HBS1L: variants seen among roughly 807,000 people sequenced by gnomAD.
HBS1L encodes HBS1-like protein.
HBS1L carries 55 observed loss-of-function variants against 88.9 expected under a neutral mutation model. The ratio of observed to expected loss-of-function variants is 0.62; its 90% confidence interval spans 0.50 to 0.77. HBS1L has a LOEUF of 0.77. Ranked by LOEUF, HBS1L falls within the 30% of genes least tolerant of loss-of-function variation. The probability of loss-of-function intolerance (pLI) is 0.00; values close to 1 mark genes in which losing one functional copy is unlikely to be tolerated. For missense variants in HBS1L, 741 were observed against 829.3 expected (o/e 0.89, Z 1.31); for synonymous variants, 267 against 288.5 (o/e 0.93, Z 0.76).
intron 4 of HBS1L, among the ~76,000 whole-genome samples, chr6:135,025,266 A>G (rs747390205): frequency 3.9e-5 from 6 of 152,226 alleles, no homozygotes; most frequent in Admixed American, 2.0e-4. Context: ...ACCAAACAGA[A>G]ATGTGGATCA....
intron 1 of HBS1L, among the ~76,000 whole-genome samples, chr6:135,051,926 A>T (rs1583167023): frequency 6.6e-6 from 1 of 152,230 alleles, no homozygotes; most frequent in African/African-American, 2.4e-5. Context: ...CAAGGAATAC[A>T]CACAAGATAA....
At position 135,025,682 on chromosome 6, in the gene HBS1L, G is replaced by A. The variant is rs114575524; in HGVS notation, c.430+13891C>T. On this transcript the variant is annotated intron_variant, in intron 4 of 17. Transcript: ENST00000367837. The stretch of plus-strand genomic sequence containing the variant: ...TATTCAAAGAGGGCATGACATAGAA[G>A]CTATAGGTAGATACTCTAAGAATAA... Among the ~76,000 whole-genome samples, 484 of 152,216 alleles carry A rather than the reference G, an allele frequency of 3.2e-3. 2 individuals are homozygous for A. The highest frequency in any genetic ancestry group is 0.011 in the African/African-American group (469 of 41,532).
intron 4 of HBS1L, among the ~76,000 whole-genome samples, chr6:135,034,083 C>A (rs911655915): frequency 2.6e-5 from 4 of 151,696 alleles, no homozygotes; most frequent in Admixed American, 2.0e-4. Context: ...TTATGGTGCA[C>A]TGATACATTC....
chr6:135,006,359 TTGG>T (rs1775611831), intron 4 of HBS1L, among the ~76,000 whole-genome samples: 2 of 152,102 alleles, frequency 1.3e-5, no homozygotes, highest in Non-Finnish European at 2.9e-5. Context: ...AGTGTTGGAC[TTGG>T]TGGTGTTTTT....
intron 4 of HBS1L, among the ~76,000 whole-genome samples, chr6:135,024,545 G>C (rs1776171254): frequency 8.7e-6 from 1 of 114,584 alleles, no homozygotes. Context: ...ATACTCTTGG[G>C]GGTGTTTTTT....
Position 134,962,603 on chromosome 6 carries a change from CA to C in HBS1L, c.*2675del, listed in dbSNP as rs1447561127. On this transcript the variant is annotated 3_prime_UTR_variant, in exon 18 of 18. Transcript: ENST00000367837. ...GAATGTGTGAATAATACTAACAAGT[CA>C]AAACATAGTTCTGTAATGTGTTCAA... The C allele has an allele frequency of 2.0e-5, 3 of 152,144 alleles. No individual in the cohort carries two copies. The highest frequency in any genetic ancestry group is 2.9e-5 in the Non-Finnish European group (2 of 68,024). The allele number at this position is 152,144 out of a possible 1,614,324, so 9.4% of individuals were successfully genotyped here.
chr6:135,001,314 A>G lies in HBS1L; in HGVS notation c.539+1420T>C, dbSNP rs183709217. 2.3e-3 allele frequency among the ~76,000 whole-genome samples: 356 copies of G among 152,290 alleles called. 1 individual carries two copies. The highest frequency in any genetic ancestry group is 3.6e-3 in the Non-Finnish European group (242 of 68,016). On this transcript the variant is annotated intron_variant, in intron 5 of 17. Coordinates refer to ENST00000367837, the MANE Select transcript of HBS1L (RefSeq NM_006620.4). ...AATTATGCACATTATTTATTGATAC[A>G]TTTATTACCCATTATCTTTATAATT...
chr6:135,022,784 T>C (rs557484853), intron 4 of HBS1L, among the ~76,000 whole-genome samples: 37 of 152,280 alleles, frequency 2.4e-4, no homozygotes, highest in Middle Eastern at 6.8e-3. Flanking sequence ...GCATTTTAAG[T>C]GCATTATTGA....
At chr6:134,978,339 C>T (rs961224401) in intron 15 of HBS1L, among the ~76,000 whole-genome samples, 2 of 151,926 alleles carry the variant, frequency 1.3e-5, no homozygotes, top group Admixed American at 1.3e-4. Context: ...ACCTAAAAAA[C>T]TTAGAAGTAA....
chr6:135,003,295 T>C (rs1159296370), intron 4 of HBS1L, among the ~76,000 whole-genome samples: 1 of 152,214 alleles, frequency 6.6e-6, no homozygotes, highest in East Asian at 1.9e-4. Flanking sequence ...GAGTCTGAAT[T>C]GTGCTGGAAT....
intron 15 of HBS1L, among the ~76,000 whole-genome samples, chr6:134,973,694 G>A (rs1269858412): frequency 6.6e-6 from 1 of 152,146 alleles, no homozygotes; most frequent in African/African-American, 2.4e-5. Flanking sequence ...GTGCACACCT[G>A]TAGTCCCAGC....
rs187042026 is a variant in HBS1L at position 134,988,889 on chromosome 6, G to A, written c.1084-1098C>T. ...GTACTGTTTATAATGAAGAAAAACA[G>A]CAAATATATGAATTATCAAAAAGCA... On this transcript the variant is annotated intron_variant, in intron 8 of 17. Transcript: ENST00000367837. Among the ~76,000 whole-genome samples the A allele has an allele frequency of 2.0e-5, 3 of 152,160 alleles. No homozygotes were observed. The East Asian group carries it at 5.8e-4, about 29-fold the overall frequency.
rs890861143 is a variant in HBS1L, at chr6:134,962,188, A to G, written c.*3091T>C. On this transcript the variant is annotated 3_prime_UTR_variant, in exon 18 of 18. Transcript: ENST00000367837. ...CTTGTCTTGATTTTTTGAAAACTGTATAATTTTGAATAACTTCTATATATC... is the reference window on the plus strand; with the variant it reads ...CTTGTCTTGATTTTTTGAAAACTGTGTAATTTTGAATAACTTCTATATATC... 2.0e-4 allele frequency: 31 copies of G among 152,316 alleles called. No individual in the cohort carries two copies. The highest frequency in any genetic ancestry group is 7.2e-4 in the African/African-American group (30 of 41,576). 9.4% of individuals were successfully genotyped at this position (152,316 alleles called of 1,614,324 possible). A position where few individuals can be genotyped will look rare whatever the true frequency, so the allele number is the denominator to read the frequency against.
At position 135,022,974 on chromosome 6, in the gene HBS1L, GT is replaced by G. The variant is rs34584187; in HGVS notation, c.430+16598del. 2.0e-3 allele frequency among the ~76,000 whole-genome samples: 306 copies of G among 150,374 alleles called. 1 individual carries two copies. Among genetic ancestry groups the G allele is most frequent in the African/African-American group, 7.3e-3 (302 of 41,178 alleles). ...CCTCATAAAAATCAAATGTTACTAT[GT>G]TTCCCATTTACTGATGAGATACATA... On this transcript the variant is annotated intron_variant, in intron 4 of 17. Coordinates refer to ENST00000367837, the MANE Select transcript of HBS1L (RefSeq NM_006620.4).
intron 1 of HBS1L, among the ~76,000 whole-genome samples, chr6:135,054,207 G>A (rs1777175453): frequency 6.6e-6 from 1 of 152,196 alleles, no homozygotes; most frequent in African/African-American, 2.4e-5. Flanking sequence ...TCTAACACAG[G>A]TACACGTCCG....
chr6:134,985,311 C>T, intron 12 of HBS1L, 30 bp downstream of exon 12: 1 of 1,479,782 alleles, frequency 6.8e-7, no homozygotes, highest in South Asian at 1.2e-5. Flanking sequence ...AGGGGCTATA[C>T]TGAAGAAGCA....
intron 1 of HBS1L, among the ~76,000 whole-genome samples, chr6:135,050,891 C>T (rs1315299216): frequency 1.3e-5 from 2 of 152,140 alleles, no homozygotes; most frequent in Non-Finnish European, 2.9e-5. Context: ...TACCCAGGTC[C>T]CAAGTTTTCA....
At chr6:134,996,612 C>T (rs1243135349) in intron 7 of HBS1L, among the ~76,000 whole-genome samples, 165 bp downstream of exon 7, 2 of 152,056 alleles carry the variant, frequency 1.3e-5, no homozygotes, top group African/African-American at 4.8e-5. Flanking sequence ...AAACAGTATG[C>T]AGATTACATC....
intron 6 of HBS1L, 80 bp downstream of exon 6, chr6:134,997,317 C>CA (rs796755249): frequency 1.1e-5 from 17 of 1,542,974 alleles, no homozygotes; most frequent in Middle Eastern, 1.7e-4. Flanking sequence ...TGGAGAAACT[C>CA]AGAGTTTCCA....
Sources: allele counts gnomAD v4.1 joint callset (sites outside exome capture counted in the v4.1 genomes callset), GRCh38; gene constraint gnomAD v4.1.1; transcripts MANE v1.5; gene names NCBI Gene and HGNC (gene_info 2026-07-23, HGNC 2026-07-21).